The following DHX34 variants were observed in gnomAD, a reference collection of about 807,000 sequenced individuals.
DHX34 encodes the protein probable ATP-dependent RNA helicase DHX34.
A neutral mutation model predicts 111.1 loss-of-function variants in DHX34; 96 were observed. The ratio of observed to expected loss-of-function variants is 0.86; its 90% CI spans 0.73 to 1.02. The LOEUF is 1.02. Ranked by LOEUF, DHX34 falls within the 50% of genes least tolerant of loss-of-function variation. The pLI, the probability that DHX34 is intolerant of heterozygous loss-of-function variation, is 0.00. For synonymous variants in DHX34, 688 were observed against 670.4 expected, an observed-to-expected ratio of 1.03 and a Z score of -0.41; for missense variants, 1,560 against 1,579.9, an observed-to-expected ratio of 0.99 and a Z score of 0.21.
At chr19:47,369,987 C>T (rs1969916323) in intron 7 of DHX34, among the ~76,000 whole-genome samples, 1 of 152,116 alleles carries the variant, frequency 6.6e-6, no homozygotes, top group South Asian at 2.1e-4. Flanking sequence ...GCTGTGTCAT[C>T]AGGAATAGGG....
At chr19:47,371,932 T>A (rs1969976087) in intron 7 of DHX34, among the ~76,000 whole-genome samples, 1 of 151,594 alleles carries the variant, frequency 6.6e-6, no homozygotes, top group African/African-American at 2.4e-5. Context: ...GACCACTAGT[T>A]ACTGGACAGG....
intron 14 of DHX34, 115 bp from the exon 15 acceptor site, chr19:47,380,701 T>C: frequency 7.3e-6 from 11 of 1,513,670 alleles, no homozygotes; most frequent in Non-Finnish European, 9.7e-6. Flanking sequence ...GTGTAAGCAC[T>C]TGGCTCCCGT....
In DHX34 at chr19:47,376,529, G is replaced by A. The variant is rs373057199; in HGVS notation, c.2568G>A (p.Glu856=). ...GCCCCGAGGTGCTGCACGCACAGGA[G>A]CTGGAGGCCAGCAACTGCGACGGAA... ...AGSPEVLHAQ[E]LEASNCDGSR... Residue 856 remains glutamate (E), a synonymous_variant, in exon 12 of 17, where the codon GAG becomes GAA. Transcript: ENST00000328771. 2.8e-4 allele frequency: 448 copies of A among 1,580,998 alleles called. 1 individual carries two copies. The highest frequency in any genetic ancestry group is 1.8e-4 in the Admixed American group (10 of 55,178).
Position 47,353,320 on chromosome 19 carries a change from C to T in DHX34, c.290C>T (p.Pro97Leu). Residue 97 changes from proline to leucine, a missense_variant, in exon 2 of 17, where the codon CCT (proline) becomes CTT (leucine). Coordinates refer to ENST00000328771, the MANE Select transcript of DHX34 (RefSeq NM_014681.6). The surrounding 1 kb of genome is among the most constrained non-coding windows in gnomAD (Gnocchi z 4.6). ...KHSIPALADL[P>L]RTYDPRYRIN... ...AGCATCCCAGCGCTGGCCGACCTAC[C>T]TCGCACTTACGACCCACGTTACCGC... 27 of 1,614,210 alleles carry T rather than the reference C, an allele frequency of 1.7e-5. No individual in the cohort carries two copies. Among genetic ancestry groups the T allele is most frequent in the Non-Finnish European group, 2.3e-5 (27 of 1,180,042 alleles).
In DHX34 at chr19:47,381,268, T is replaced by G; in HGVS notation, c.3242T>G (p.Leu1081Arg). 6.2e-7 allele frequency: 1 copy of G among 1,613,988 alleles called. No homozygotes were observed. The highest frequency in any genetic ancestry group is 8.5e-7 in the Non-Finnish European group (1 of 1,179,918). The change falls in exon 16 of 17, where the codon CTG (leucine) becomes CGG (arginine). Residue 1081 changes from leucine (L) to arginine (R), a missense_variant. By Grantham distance (102) the Leu-to-Arg change is moderately radical. Transcript: ENST00000328771. Reference sequence around the variant, plus strand: ...GGCCTGCATGCGCCCCTCACGCCCCTGGAGCGCATCGCCCATGAGAACACC... The same window carrying G: ...GGCCTGCATGCGCCCCTCACGCCCCGGGAGCGCATCGCCCATGAGAACACC... Reference protein sequence around the residue: ...HCGLHAPLTPLERIAHENTCP... With the variant: ...HCGLHAPLTPRERIAHENTCP...
Position 47,372,763 on chromosome 19 carries a change from T to C in DHX34, c.1802T>C (p.Leu601Pro), listed in dbSNP as rs755019006. The C allele has an allele frequency of 2.5e-6, 4 of 1,612,136 alleles. No individual in the cohort carries two copies. The highest frequency in any genetic ancestry group is 2.5e-6 in the Non-Finnish European group (3 of 1,179,382). ...CTGATCCTGGGCTCCATGTTCAGCC[T>C]GGTGGAGCCTGTGCTCACCATCGCA... ...KMLILGSMFS[L>P]VEPVLTIAAA... Residue 601 changes from leucine to proline, a missense_variant, in exon 8 of 17, where the codon CTG (leucine) becomes CCG (proline). Physicochemically the swap from Leu to Pro is moderately conservative, Grantham distance 98. Transcript: ENST00000328771.
intron 13 of DHX34, among the ~76,000 whole-genome samples, chr19:47,378,997 C>T (rs988005956): frequency 7.7e-6 from 1 of 129,392 alleles, no homozygotes; most frequent in Admixed American, 7.7e-5. Context: ...GGGTGGGTGG[C>T]GCGTGCCTGT....
chr19:47,357,551 TGGGTA>T lies in DHX34; in HGVS notation c.1018-311_1018-307del, dbSNP rs1969492231. Among the ~76,000 whole-genome samples, 4 of 152,258 alleles carry T rather than the reference TGGGTA, an allele frequency of 2.6e-5. No homozygotes were observed. In the South Asian group the frequency reaches 8.3e-4, roughly 32 times the overall value. Reference sequence around the variant, plus strand: ...AGTGGAGAAGACTACTAGCATCTAGTGGGTAGGGCCAGGGATGCTGCTAGATATCC... The same window carrying T: ...AGTGGAGAAGACTACTAGCATCTAGTGGGCCAGGGATGCTGCTAGATATCC... On this transcript the variant is annotated intron_variant, in intron 3 of 16. Transcript: ENST00000328771.
At chr19:47,371,347 G>A (rs1969960070) in intron 7 of DHX34, among the ~76,000 whole-genome samples, 1 of 152,264 alleles carries the variant, frequency 6.6e-6, no homozygotes, top group Non-Finnish European at 1.5e-5. Flanking sequence ...ATGACCCTGT[G>A]CTGGGCGTCC....
At chr19:47,371,982 C>T (rs527544615) in intron 7 of DHX34, among the ~76,000 whole-genome samples, 11 of 151,346 alleles carry the variant, frequency 7.3e-5, no homozygotes, top group Admixed American at 4.0e-4. Flanking sequence ...TCAGCTCGGG[C>T]GCCCAGAACC....
intron 7 of DHX34, among the ~76,000 whole-genome samples, chr19:47,371,823 C>T (rs540672462): frequency 6.6e-6 from 1 of 152,106 alleles, no homozygotes; most frequent in South Asian, 2.1e-4. Context: ...TGGTCTCGAA[C>T]TCCTGACCTC....
Position 47,382,211 on chromosome 19 carries a change from G to T in DHX34, c.*98G>T, listed in dbSNP as rs574992432. The T allele has an allele frequency of 6.5e-7, 1 of 1,532,904 alleles. No individual in the cohort carries two copies. The highest frequency in any genetic ancestry group is 1.4e-5 in the African/African-American group (1 of 72,492). 95.0% of individuals were successfully genotyped at this position (1,532,904 alleles called of 1,614,324 possible). A position where few individuals can be genotyped will look rare whatever the true frequency, so the allele number is the denominator to read the frequency against. On this transcript the variant is annotated 3_prime_UTR_variant, in exon 17 of 17. Coordinates refer to ENST00000328771, the MANE Select transcript of DHX34 (RefSeq NM_014681.6). Reference sequence around the variant, plus strand: ...TGCCTGAACCCCCAGCCTGGGCTTAGCCCTGTGGTCCTGTCCCAGTGCAGA... The same window carrying T: ...TGCCTGAACCCCCAGCCTGGGCTTATCCCTGTGGTCCTGTCCCAGTGCAGA...
chr19:47,379,556 A>C, intron 13 of DHX34, 154 bp from the exon 14 acceptor site: 1 of 983,288 alleles, frequency 1.0e-6, no homozygotes, highest in Non-Finnish European at 1.2e-6. Context: ...CAGCACCCGA[A>C]GGGGTGCCTG....
At chr19:47,377,247 G>T in intron 13 of DHX34, 41 bp downstream of exon 13, 1 of 1,580,682 alleles carries the variant, frequency 6.3e-7, no homozygotes. Flanking sequence ...CCAGATATGA[G>T]AGCTGCGTTG....
intron 9 of DHX34, among the ~76,000 whole-genome samples, chr19:47,374,524 G>C (rs1022516667): frequency 6.6e-6 from 1 of 151,966 alleles, no homozygotes; most frequent in African/African-American, 2.4e-5. Flanking sequence ...CCATCTGAGT[G>C]CAGACAGACC....
Position 47,352,888 on chromosome 19 carries a change from G to C in DHX34, c.-143G>C. 2.1e-6 allele frequency: 3 copies of C among 1,440,386 alleles called. No homozygotes were observed. Among genetic ancestry groups the C allele is most frequent in the South Asian group, 3.0e-5 (2 of 66,182 alleles). The allele number at this position is 1,440,386 out of a possible 1,614,324, so 89.2% of individuals were successfully genotyped here. On this transcript the variant is annotated 5_prime_UTR_variant, in exon 2 of 17. It removes the in-frame stop codon of an upstream open reading frame in the 5' UTR. Transcript: ENST00000328771. ...ATCATCTGTGGTGGTCCTGTGCCGT[G>C]ACCAGGAGGAAAAATTAGCTCTTTG...
chr19:47,366,881 G>A lies in DHX34; in HGVS notation c.1594-100G>A, dbSNP rs1969801062. 8.5e-6 allele frequency: 12 copies of A among 1,407,540 alleles called. No individual in the cohort carries two copies. The South Asian group carries it at 2.0e-4, about 24-fold the overall frequency. 87.2% of individuals were successfully genotyped at this position (1,407,540 alleles called of 1,614,324 possible). The stretch of plus-strand genomic sequence containing the variant: ...GAGCCACAACGCCCGGCCAACACTA[G>A]GAATTTTAAAACGTCATGAATTTGT... On this transcript the variant is annotated intron_variant, in intron 6 of 16. Transcript: ENST00000328771.
Position 47,358,096 on chromosome 19 carries a change from C to A in DHX34, c.1248C>A (p.Ala416=). ...GGGTGGTACTGCCACTGCACAGCGC[C>A]CTGTCTGTGGCCGACCAGGACAAGG... ...QRWVVLPLHS[A]LSVADQDKVF... The change falls in exon 4 of 17, where the codon GCC becomes GCA. Residue 416 remains alanine (A), a synonymous_variant. Coordinates refer to ENST00000328771, the MANE Select transcript of DHX34 (RefSeq NM_014681.6). The A allele has an allele frequency of 1.9e-6, 3 of 1,609,598 alleles. No homozygotes were observed. Among genetic ancestry groups the A allele is most frequent in the Non-Finnish European group, 2.5e-6 (3 of 1,176,870 alleles).
chr19:47,379,466 C>A, intron 13 of DHX34: 1 of 370,318 alleles, frequency 2.7e-6, no homozygotes, highest in Non-Finnish European at 3.7e-6. Context: ...CTGTCTCTCT[C>A]CCAGCACGCT....
Sources: allele counts gnomAD v4.1 joint callset (sites outside exome capture counted in the v4.1 genomes callset), GRCh38; gene constraint gnomAD v4.1.1; non-coding constraint Gnocchi (gnomAD v3.1); transcripts MANE v1.5; gene names NCBI Gene and HGNC (gene_info 2026-07-23, HGNC 2026-07-21).